DENND1A: variants seen among roughly 807,000 people sequenced by gnomAD.
DENND1A encodes the protein DENN domain containing 1A, also known as DENN domain-containing protein 1A.
In DENND1A, 51 loss-of-function variants were observed where a neutral mutation model predicts 113.7. The ratio of observed to expected loss-of-function variants is 0.45; its 90% CI spans 0.36 to 0.57. The LOEUF is 0.57. Ranked by LOEUF, DENND1A falls within the 20% of genes least tolerant of loss-of-function variation. DENND1A has a pLI of 0.00. For missense variants in DENND1A, 1,258 were observed against 1,395.9 expected, an observed-to-expected ratio of 0.90 and a Z score of 1.57; for synonymous variants, 565 against 570.8, an observed-to-expected ratio of 0.99 and a Z score of 0.14.
chr9:123,538,547 A>G (rs1179672730), intron 13 of DENND1A, among the ~76,000 whole-genome samples: 2 of 152,114 alleles, frequency 1.3e-5, no homozygotes, highest in African/African-American at 4.8e-5. Context: ...AGAGCTATCA[A>G]AGACTACTAG....
chr9:123,815,968 G>A (rs1261965914), intron 2 of DENND1A, among the ~76,000 whole-genome samples: 1 of 149,208 alleles, frequency 6.7e-6, no homozygotes, highest in East Asian at 2.0e-4. Context: ...AACCTATTTG[G>A]CACTGGGCCC....
chr9:123,799,485 T>C lies in DENND1A; in HGVS notation c.89-6855A>G, dbSNP rs138831028. Among the ~76,000 whole-genome samples the C allele has an allele frequency of 4.6e-5, 7 of 152,200 alleles. No homozygotes were observed. The East Asian group carries it at 1.4e-3, about 29-fold the overall frequency. On this transcript the variant is annotated intron_variant, in intron 2 of 23. Coordinates refer to ENST00000394215, the MANE Select transcript of DENND1A (RefSeq NM_001352964.2). ...CAGGTACCATGGGGCTTGGTAAGTG[T>C]GATACTAGGAGTTAATCAGCACAGG...
chr9:123,510,782 G>C lies in DENND1A; in HGVS notation c.993+46788C>G, dbSNP rs368309065. Among the ~76,000 whole-genome samples, 74 of 152,340 alleles carry C rather than the reference G, an allele frequency of 4.9e-4. 1 individual carries two copies. Among genetic ancestry groups the C allele is most frequent in the African/African-American group, 1.3e-3 (55 of 41,574 alleles). On this transcript the variant is annotated intron_variant, in intron 13 of 23. Transcript: ENST00000394215. ...TCTTAACACAGAAGGTGGAGGAGCA[G>C]AAAGGGGATGCTTTACACTAAAATA...
chr9:123,388,565 G>A (rs2042683479), intron 21 of DENND1A, among the ~76,000 whole-genome samples: 1 of 152,230 alleles, frequency 6.6e-6, no homozygotes, highest in South Asian at 2.1e-4. Flanking sequence ...GCTCTCTGGA[G>A]CTTCCCTCAG....
chr9:123,745,836 A>G (rs1211378640), intron 5 of DENND1A, among the ~76,000 whole-genome samples: 2 of 152,230 alleles, frequency 1.3e-5, no homozygotes, highest in Non-Finnish European at 2.9e-5. Flanking sequence ...CAGCTGTGGT[A>G]TATCATCATA....
At chr9:123,779,301 C>T (rs1365351389) in intron 3 of DENND1A, among the ~76,000 whole-genome samples, 1 of 152,196 alleles carries the variant, frequency 6.6e-6, no homozygotes, top group Non-Finnish European at 1.5e-5. Context: ...TCCTGCCTCT[C>T]TCACTGCTCT....
At chr9:123,541,092 G>A (rs1888027) in intron 13 of DENND1A, among the ~76,000 whole-genome samples, 58,119 of 152,030 alleles carry the variant, frequency 0.38, 12,284 homozygotes, top group African/African-American at 0.57. Flanking sequence ...GTCTTCCTAA[G>A]GTAGAAGAGA....
chr9:123,737,952 G>A (rs1248468635), intron 5 of DENND1A, among the ~76,000 whole-genome samples: 1 of 152,100 alleles, frequency 6.6e-6, no homozygotes, highest in East Asian at 1.9e-4. Context: ...ATTTATATGA[G>A]AAAATTCTTT....
chr9:123,896,467 G>T (rs1386905184), intron 1 of DENND1A, among the ~76,000 whole-genome samples: 1 of 152,096 alleles, frequency 6.6e-6, no homozygotes, highest in East Asian at 1.9e-4. Flanking sequence ...TTTTCTCACA[G>T]AAAGCTCCAA....
intron 2 of DENND1A, among the ~76,000 whole-genome samples, chr9:123,852,024 T>C (rs973431268): frequency 1.3e-5 from 2 of 152,184 alleles, no homozygotes; most frequent in Non-Finnish European, 2.9e-5. Flanking sequence ...CCCAGCGTAT[T>C]TGGGGACCGC....
At chr9:123,496,833 G>A (rs1256052304) in intron 13 of DENND1A, among the ~76,000 whole-genome samples, 1 of 152,228 alleles carries the variant, frequency 6.6e-6, no homozygotes, top group Non-Finnish European at 1.5e-5. Context: ...TGCCCTTGGT[G>A]GGAGCTGTCT....
chr9:123,565,425 C>T (rs2058000680), intron 12 of DENND1A, among the ~76,000 whole-genome samples: 1 of 152,212 alleles, frequency 6.6e-6, no homozygotes, highest in African/African-American at 2.4e-5. Flanking sequence ...GGTACTGCTT[C>T]TCTTTCCTGG....
Position 123,516,884 on chromosome 9 carries a change from C to CAAAAAAAAAAA in DENND1A, c.993+40675_993+40685dup, listed in dbSNP as rs546001517. Among the ~76,000 whole-genome samples, 312 of 93,290 alleles carry CAAAAAAAAAAA rather than the reference C, an allele frequency of 3.3e-3. 2 individuals are homozygous for CAAAAAAAAAAA. Among genetic ancestry groups the CAAAAAAAAAAA allele is most frequent in the African/African-American group, 4.6e-3 (74 of 16,184 alleles). The allele number at this position is 93,290 out of a possible 152,430, so 61.2% of individuals were successfully genotyped here. On this transcript the variant is annotated intron_variant, in intron 13 of 23. Transcript: ENST00000394215. ...CTGGTGACAGAGTGAGACTCTGTCT[C>CAAAAAAAAAAA]AAAAAAAAAAAAAAAAAAAAAAAAA... is the stretch of plus-strand genomic sequence containing the variant.
intron 21 of DENND1A, among the ~76,000 whole-genome samples, chr9:123,396,468 T>C (rs1258831397): frequency 6.6e-6 from 1 of 152,204 alleles, no homozygotes; most frequent in Non-Finnish European, 1.5e-5. Flanking sequence ...CTATGCTGAG[T>C]CTAGGCTCGA....
chr9:123,721,213 T>G (rs1207957462), intron 5 of DENND1A, among the ~76,000 whole-genome samples: 1 of 152,226 alleles, frequency 6.6e-6, no homozygotes, highest in African/African-American at 2.4e-5. Context: ...CTCCAAGTCA[T>G]TCTTCACTGA....
chr9:123,552,810 T>C (rs781054536), intron 13 of DENND1A, among the ~76,000 whole-genome samples: 38 of 152,264 alleles, frequency 2.5e-4, no homozygotes, highest in Non-Finnish European at 1.6e-4. Context: ...TCACACCTTA[T>C]GTGCCAAAGG....
At chr9:123,598,657 T>C (rs1564792320) in intron 11 of DENND1A, among the ~76,000 whole-genome samples, 1 of 152,192 alleles carries the variant, frequency 6.6e-6, no homozygotes, top group Non-Finnish European at 1.5e-5. Flanking sequence ...TTTTTAAAAA[T>C]TGGGATGACA....
chr9:123,709,072 G>A (rs1306348776), intron 5 of DENND1A, among the ~76,000 whole-genome samples: 1 of 152,226 alleles, frequency 6.6e-6, no homozygotes, highest in Admixed American at 6.5e-5. Context: ...ATCAAGGGCT[G>A]TCACTCTACA....
chr9:123,798,406 ATGAATGTAGT>A, intron 2 of DENND1A: 1 of 152,326 alleles, frequency 6.6e-6, no homozygotes, highest in African/African-American at 2.4e-5. Context: ...TGTTGAAGTT[ATGAATGTAGT>A]ACAGTTACCA....
Sources: allele counts gnomAD v4.1 joint callset (sites outside exome capture counted in the v4.1 genomes callset), GRCh38; gene constraint gnomAD v4.1.1; transcripts MANE v1.5; gene names NCBI Gene and HGNC (gene_info 2026-07-23, HGNC 2026-07-21).